The following CHD2 variants were observed in gnomAD, a reference collection of about 807,000 sequenced individuals.
The protein encoded by CHD2 is ATP-dependent chromatin remodeler CHD2.
CHD2 carries 28 observed loss-of-function variants against 243.9 expected under a neutral mutation model. The ratio of observed to expected loss-of-function variants is 0.11; its 90% confidence interval spans 0.09 to 0.16. CHD2 has a LOEUF of 0.16. Ranked by LOEUF, CHD2 falls within the 10% of genes least tolerant of loss-of-function variation. The pLI is 1.00. For missense variants in CHD2, 1,386 were observed against 2,209.8 expected, an observed-to-expected ratio of 0.63 and a Z score of 7.47; for synonymous variants, 775 against 779.0, an observed-to-expected ratio of 0.99 and a Z score of 0.09.
At position 92,924,570 on chromosome 15, in the gene CHD2, C is replaced by G. The variant is rs771270272; in HGVS notation, c.294+18C>G. On this transcript the variant is annotated intron_variant, in intron 3 of 38. Coordinates refer to ENST00000394196, the MANE Select transcript of CHD2 (RefSeq NM_001271.4). ...TGAAGAAGGTATCTACTTTGCCCTG[C>G]AGTACAAATGTGCTGCTAGCCTAGG... 1.2e-6 allele frequency: 2 copies of G among 1,603,836 alleles called. No homozygotes were observed. The highest frequency in any genetic ancestry group is 4.5e-5 in the East Asian group (2 of 44,822).
At chr15:93,020,356 T>C (rs1419105608) in intron 38 of CHD2, 98 bp downstream of exon 38, 2 of 1,441,692 alleles carry the variant, frequency 1.4e-6, no homozygotes, top group Middle Eastern at 1.8e-4. Flanking sequence ...TCTATCAAAT[T>C]ACTGAAGATC....
intron 16 of CHD2, among the ~76,000 whole-genome samples, chr15:92,961,026 A>G (rs901828896): frequency 6.6e-6 from 1 of 151,616 alleles, no homozygotes; most frequent in Admixed American, 6.6e-5. Context: ...GCCTGGCCGC[A>G]TTTGTGTTTT....
chr15:92,916,272 G>A (rs1253340244), intron 2 of CHD2, among the ~76,000 whole-genome samples: 2 of 152,324 alleles, frequency 1.3e-5, no homozygotes, highest in African/African-American at 2.4e-5. Context: ...TCACGGGCAC[G>A]TCCTTAACCT....
At chr15:92,926,304 T>G (rs541636876) in intron 3 of CHD2, among the ~76,000 whole-genome samples, 45 of 152,300 alleles carry the variant, frequency 3.0e-4, no homozygotes, top group Admixed American at 2.2e-3. Context: ...GCTAGTGGCT[T>G]CTTTTGTGCA....
rs116396181 is a variant in CHD2 at position 92,905,780 on chromosome 15, A to G, written c.62+4481A>G. Among the ~76,000 whole-genome samples, 442 of 152,364 alleles carry G rather than the reference A, an allele frequency of 2.9e-3. 1 individual carries two copies. The highest frequency in any genetic ancestry group is 1.0e-2 in the African/African-American group (415 of 41,588). On this transcript the variant is annotated intron_variant, in intron 2 of 38. Transcript: ENST00000394196. ...CCTGATTTTAAAATTATATGCTCAA[A>G]TGTATATTGCGTATAAAATGCTAAC... is the stretch of plus-strand genomic sequence containing the variant.
chr15:92,952,561 G>A, intron 13 of CHD2, among the ~76,000 whole-genome samples: 1 of 152,094 alleles, frequency 6.6e-6, no homozygotes, highest in South Asian at 2.1e-4. Context: ...AGTTCATAGT[G>A]GGGTTCATGC....
intron 22 of CHD2, 127 bp from the exon 23 acceptor site, chr15:92,980,688 A>G (rs2053968324): frequency 1.5e-6 from 1 of 653,720 alleles, no homozygotes; most frequent in Non-Finnish European, 2.6e-6. Context: ...TTGAGAAATC[A>G]TTTTTCTTGA....
chr15:92,999,769 C>A (rs1249567329), intron 31 of CHD2, among the ~76,000 whole-genome samples: 2 of 152,098 alleles, frequency 1.3e-5, no homozygotes, highest in East Asian at 3.8e-4. Flanking sequence ...CAGATCATAT[C>A]TGATTAGGCA....
chr15:92,907,259 A>G (rs1441614744), intron 2 of CHD2, among the ~76,000 whole-genome samples: 1 of 152,246 alleles, frequency 6.6e-6, no homozygotes, highest in African/African-American at 2.4e-5. Flanking sequence ...GTAGCCATTC[A>G]TGCTACATAA....
intron 16 of CHD2, among the ~76,000 whole-genome samples, chr15:92,957,907 G>A (rs2053636917): frequency 6.6e-6 from 1 of 152,082 alleles, no homozygotes; most frequent in South Asian, 2.1e-4. Flanking sequence ...TATATAAGTG[G>A]AATCCTAATA....
rs74029211 is a variant in CHD2, at chr15:92,979,322, T to C, written c.2876+39T>C. 5,627 of 1,605,262 alleles carry C rather than the reference T, an allele frequency of 3.5e-3. 167 individuals carry two copies. In the African/African-American group the frequency reaches 0.067, roughly 19 times the overall value. ...AGATTGGGAGGTAGGCAGAATCAAA[T>C]TGATTCTACATCACTGTTGGATATA... On this transcript the variant is annotated intron_variant, in intron 22 of 38. Transcript: ENST00000394196.
intron 24 of CHD2, among the ~76,000 whole-genome samples, chr15:92,983,153 T>A (rs1448848884): frequency 6.6e-6 from 1 of 152,090 alleles, no homozygotes; most frequent in East Asian, 1.9e-4. Flanking sequence ...ACATTGGGAG[T>A]TAGGATTTCA....
At chr15:92,973,396 A>G (rs755318510) in intron 19 of CHD2, among the ~76,000 whole-genome samples, 1 of 152,162 alleles carries the variant, frequency 6.6e-6, no homozygotes, top group Non-Finnish European at 1.5e-5. Context: ...TGGCATGTTT[A>G]TAGTGCTTTG....
chr15:92,985,948 A>G (rs2054036889), intron 26 of CHD2, among the ~76,000 whole-genome samples: 1 of 152,192 alleles, frequency 6.6e-6, no homozygotes, highest in Non-Finnish European at 1.5e-5. Flanking sequence ...TCGGGGAAGG[A>G]GATAATTGAC....
At chr15:92,951,988 G>A (rs917139359) in intron 13 of CHD2, among the ~76,000 whole-genome samples, 6 of 152,056 alleles carry the variant, frequency 3.9e-5, no homozygotes, top group African/African-American at 1.4e-4. Flanking sequence ...AGTTCTTTCT[G>A]ATTTGCTGAT....
intron 16 of CHD2, among the ~76,000 whole-genome samples, chr15:92,965,565 CAAAAAAAAAAAAAAAA>C (rs61447848): frequency 6.6e-4 from 73 of 111,020 alleles, no homozygotes; most frequent in East Asian, 1.9e-3. Context: ...ACTCTTTCTC[CAAAAAAAAAAAAAAAA>C]AAAAAAAAAA....
intron 17 of CHD2, among the ~76,000 whole-genome samples, chr15:92,970,184 T>C (rs1322922540): frequency 2.0e-5 from 3 of 152,054 alleles, no homozygotes; most frequent in African/African-American, 4.8e-5. Context: ...TTCTAGTCCA[T>C]CTTTCCCCAT....
intron 14 of CHD2, chr15:92,954,354 A>G (rs2053591894): frequency 1.3e-5 from 2 of 152,246 alleles, no homozygotes; most frequent in East Asian, 1.9e-4. Context: ...TATCTAGTCT[A>G]GAGCTTTGCT....
At chr15:92,913,972 C>A (rs946101198) in intron 2 of CHD2, among the ~76,000 whole-genome samples, 1 of 152,236 alleles carries the variant, frequency 6.6e-6, no homozygotes. Flanking sequence ...ACCCCTCTTA[C>A]TCCCATGACG....
Sources: allele counts gnomAD v4.1 joint callset (sites outside exome capture counted in the v4.1 genomes callset), GRCh38; gene constraint gnomAD v4.1.1; transcripts MANE v1.5; gene names NCBI Gene and HGNC (gene_info 2026-07-23, HGNC 2026-07-21).